CENPP: variants seen among roughly 807,000 people sequenced by gnomAD.
CENPP encodes the protein centromere protein P.
In CENPP, 24 loss-of-function variants were observed where a neutral mutation model predicts 35.6. That is an observed-to-expected ratio of 0.67 (90% CI 0.49 to 0.95). CENPP has a LOEUF of 0.95. CENPP is among the 40% of genes least tolerant of loss of function. The pLI, the probability that CENPP is intolerant of heterozygous loss-of-function variation, is 0.00. For missense variants in CENPP, 332 were observed against 345.3 expected (o/e 0.96, Z 0.31); for synonymous variants, 120 against 125.5 (o/e 0.96, Z 0.29).
intron 3 of CENPP, among the ~76,000 whole-genome samples, chr9:92,343,404 CATA>C (rs1485756905): frequency 1.3e-5 from 2 of 152,146 alleles, no homozygotes; most frequent in Non-Finnish European, 2.9e-5. Context: ...ATCAGCCTTC[CATA>C]ATCCAAGCAA....
At chr9:92,512,184 A>G (rs1185901408) in intron 5 of CENPP, 1 of 1,127,332 alleles carries the variant, frequency 8.9e-7, no homozygotes, top group Admixed American at 1.8e-5. Context: ...ATGTACACAC[A>G]TGTATGGGCA....
At position 92,574,488 on chromosome 9, in the gene CENPP, TA is replaced by T. The variant is rs527884770; in HGVS notation, c.565-36819del. ...CAAAAACAATTTTGTTACAATAGCA[TA>T]AAAAAAGAATAAAATACCTAGGAAT... is the stretch of plus-strand genomic sequence containing the variant. On this transcript the variant is annotated intron_variant, in intron 5 of 7. Coordinates refer to ENST00000375587, the MANE Select transcript of CENPP (RefSeq NM_001012267.3). Among the ~76,000 whole-genome samples, 477 of 151,862 alleles carry T rather than the reference TA, an allele frequency of 3.1e-3. 4 individuals are homozygous for T. Among genetic ancestry groups the T allele is most frequent in the Non-Finnish European group, 3.5e-3 (237 of 67,928 alleles).
At chr9:92,442,433 A>AT (rs1354270893) in intron 5 of CENPP, among the ~76,000 whole-genome samples, 1 of 148,540 alleles carries the variant, frequency 6.7e-6, no homozygotes, top group Non-Finnish European at 1.5e-5. Context: ...ACAAAAAAAA[A>AT]CCACTCCATT....
chr9:92,482,218 TTAA>T (rs1161407964), intron 5 of CENPP: 1 of 152,192 alleles, frequency 6.6e-6, no homozygotes, highest in Non-Finnish European at 1.5e-5. Context: ...TAAGCATTTA[TTAA>T]TAACATTAAT....
At chr9:92,535,347 A>G (rs1471353387) in intron 5 of CENPP, among the ~76,000 whole-genome samples, 1 of 152,172 alleles carries the variant, frequency 6.6e-6, no homozygotes, top group Non-Finnish European at 1.5e-5. Flanking sequence ...CAACTTCGTA[A>G]TTGAGTGTTT....
intron 5 of CENPP, chr9:92,404,412 C>A (rs868060483): frequency 1.2e-6 from 1 of 855,712 alleles, no homozygotes; most frequent in African/African-American, 1.9e-5. Context: ...CCAGAGATGG[C>A]CTTTACATTT....
intron 5 of CENPP, among the ~76,000 whole-genome samples, chr9:92,431,790 G>A (rs1337126438): frequency 6.6e-6 from 1 of 151,966 alleles, no homozygotes; most frequent in Non-Finnish European, 1.5e-5. Context: ...GGCTAGGGTG[G>A]TCTCAAACTC....
intron 5 of CENPP, among the ~76,000 whole-genome samples, chr9:92,568,056 G>A (rs1850037484): frequency 6.6e-6 from 1 of 151,890 alleles, no homozygotes; most frequent in Non-Finnish European, 1.5e-5. Flanking sequence ...GACAAGATTA[G>A]CAGAATGTAT....
At chr9:92,603,089 T>G (rs549552386) in intron 5 of CENPP, among the ~76,000 whole-genome samples, 32 of 152,290 alleles carry the variant, frequency 2.1e-4, no homozygotes, top group African/African-American at 7.7e-4. Flanking sequence ...ACACCCAGCC[T>G]CAAATTAAAC....
At position 92,326,126 on chromosome 9, in the gene CENPP, C is replaced by T. The variant is rs1228641377; in HGVS notation, c.107+21C>T. On this transcript the variant is annotated intron_variant, in intron 1 of 7. Coordinates refer to ENST00000375587, the MANE Select transcript of CENPP (RefSeq NM_001012267.3). ...GTCCAGTACGTGACCACCCCAAGTC[C>T]CCCAGGGCCCGCTGGCCAGGGTTCC... 6 of 1,468,238 alleles carry T rather than the reference C, an allele frequency of 4.1e-6. No homozygotes were observed. The South Asian group carries it at 7.5e-5, about 18-fold the overall frequency. The allele number at this position is 1,468,238 out of a possible 1,614,324, so 91.0% of individuals were successfully genotyped here.
At chr9:92,586,998 G>A (rs1850554809) in intron 5 of CENPP, among the ~76,000 whole-genome samples, 1 of 148,222 alleles carries the variant, frequency 6.7e-6, no homozygotes, top group Admixed American at 6.6e-5. Context: ...CCATTTGGTG[G>A]GGGCGGGGGC....
At chr9:92,335,573 C>T (rs1332836000) in intron 2 of CENPP, among the ~76,000 whole-genome samples, 1 of 150,594 alleles carries the variant, frequency 6.6e-6, no homozygotes, top group Non-Finnish European at 1.5e-5. Context: ...TAGTCAGTGT[C>T]TAGATTCTTT....
At chr9:92,345,973 A>G (rs1041962488) in intron 4 of CENPP, among the ~76,000 whole-genome samples, 186 bp downstream of exon 4, 1 of 152,142 alleles carries the variant, frequency 6.6e-6, no homozygotes, top group Non-Finnish European at 1.5e-5. Context: ...GTTTATATTT[A>G]TTGCACATTC....
At chr9:92,493,784 A>C (rs867618011) in intron 5 of CENPP, 1 of 202,698 alleles carries the variant, frequency 4.9e-6, no homozygotes, top group Admixed American at 5.9e-5. Flanking sequence ...TTATAAAATC[A>C]GTAGAAATAA....
At chr9:92,486,410 G>T (rs1846058771) in intron 5 of CENPP, among the ~76,000 whole-genome samples, 1 of 152,202 alleles carries the variant, frequency 6.6e-6, no homozygotes, top group Non-Finnish European at 1.5e-5. Context: ...TCAACATGCA[G>T]ATTGTTTGGA....
chr9:92,390,058 T>G, intron 5 of CENPP: 1 of 1,532,882 alleles, frequency 6.5e-7, no homozygotes, highest in Non-Finnish European at 8.9e-7. Context: ...TTAAGTTAGC[T>G]AGAGGGAAAA....
rs1851403345 is a variant in CENPP, at chr9:92,615,507, A to G, written c.*2358A>G. 3.7e-6 allele frequency: 1 copy of G among 273,604 alleles called. No individual in the cohort carries two copies. Among genetic ancestry groups the G allele is most frequent in the Admixed American group, 5.0e-5 (1 of 20,200 alleles). 16.9% of individuals were successfully genotyped at this position (273,604 alleles called of 1,614,324 possible). A position where few individuals can be genotyped will look rare whatever the true frequency, so the allele number is the denominator to read the frequency against. ...GCAGATCCAAACCTTGGGTCTTAGA[A>G]TAAGGCTTTTCGCATTAGAGAATCA... On this transcript the variant is annotated 3_prime_UTR_variant, in exon 8 of 8. Transcript: ENST00000375587.
intron 4 of CENPP, among the ~76,000 whole-genome samples, chr9:92,358,528 G>A (rs1168340115): frequency 6.6e-6 from 1 of 152,162 alleles, no homozygotes; most frequent in African/African-American, 2.4e-5. Context: ...ACAGGCATGA[G>A]CCACCACGCT....
intron 5 of CENPP, among the ~76,000 whole-genome samples, chr9:92,427,191 C>T (rs1843988646): frequency 6.6e-6 from 1 of 152,240 alleles, no homozygotes; most frequent in African/African-American, 2.4e-5. Flanking sequence ...TTGAGACAGT[C>T]TGGCTCTGTC....
Sources: gnomAD v4.1 joint callset for allele counts (sites outside exome capture counted in the v4.1 genomes callset) on GRCh38, gnomAD v4.1.1 for gene constraint, MANE v1.5 for transcripts, NCBI Gene and HGNC (gene_info 2026-07-23, HGNC 2026-07-21) for gene names.